ATRNL1: variants seen among roughly 807,000 people sequenced by gnomAD.
ATRNL1 encodes attractin like 1.
A neutral mutation model predicts 182.7 loss-of-function variants in ATRNL1; 95 were observed. The observed-to-expected ratio is 0.52, with a 90% CI of 0.44 to 0.62. The LOEUF (loss-of-function observed/expected upper bound fraction) is 0.62, where lower values mean the gene tolerates loss of function less well. Ranked by LOEUF, ATRNL1 falls within the 20% of genes least tolerant of loss-of-function variation. The pLI, the probability that ATRNL1 is intolerant of heterozygous loss-of-function variation, is 0.00. For synonymous variants in ATRNL1, 576 were observed against 568.3 expected (o/e 1.01, Z -0.19); for missense variants, 1,471 against 1,679.5 (o/e 0.88, Z 2.17).
chr10:115,563,901 A>T (rs1853915367), intron 26 of ATRNL1, among the ~76,000 whole-genome samples: 1 of 152,096 alleles, frequency 6.6e-6, no homozygotes, highest in Non-Finnish European at 1.5e-5. Context: ...ATATCTTAAA[A>T]TAATATAATT....
intron 26 of ATRNL1, among the ~76,000 whole-genome samples, chr10:115,633,405 A>T (rs1555027039): frequency 6.6e-6 from 1 of 152,146 alleles, no homozygotes; most frequent in Non-Finnish European, 1.5e-5. Context: ...ACAGTTTCTT[A>T]CTGTGTGTTT....
intron 8 of ATRNL1, among the ~76,000 whole-genome samples, chr10:115,203,146 A>C (rs577235594): frequency 4.1e-4 from 62 of 152,234 alleles, no homozygotes; most frequent in African/African-American, 1.5e-3. Flanking sequence ...CTACTTTGTT[A>C]TTACAACCAG....
At chr10:115,873,074 C>A (rs1248234250) in intron 28 of ATRNL1, among the ~76,000 whole-genome samples, 1 of 151,556 alleles carries the variant, frequency 6.6e-6, no homozygotes, top group Non-Finnish European at 1.5e-5. Context: ...GATAGCCGTG[C>A]GATAGCTGAG....
At chr10:115,234,576 C>T (rs1376245735) in intron 9 of ATRNL1, among the ~76,000 whole-genome samples, 6 of 149,328 alleles carry the variant, frequency 4.0e-5, no homozygotes, top group African/African-American at 7.4e-5. Context: ...TTGCTAGATT[C>T]GATTTTTTTC....
chr10:115,415,809 G>A (rs919266627), intron 20 of ATRNL1, among the ~76,000 whole-genome samples: 25 of 151,686 alleles, frequency 1.6e-4, no homozygotes, highest in African/African-American at 5.6e-4. Flanking sequence ...TTTATTATGA[G>A]GACTGTCTTA....
chr10:115,918,145 A>G (rs1486750420), intron 28 of ATRNL1, among the ~76,000 whole-genome samples: 1 of 956 alleles, frequency 1.0e-3, no homozygotes, highest in African/African-American at 4.3e-3. Context: ...TCTGTAGCCC[A>G]GGCTGGAGTG....
intron 28 of ATRNL1, among the ~76,000 whole-genome samples, chr10:115,930,891 G>A (rs549985749): frequency 2.0e-5 from 3 of 152,220 alleles, no homozygotes; most frequent in South Asian, 2.1e-4. Context: ...CTCTCAGTTA[G>A]CACTTGAACA....
chr10:115,503,672 C>A (rs1056969242), intron 24 of ATRNL1, among the ~76,000 whole-genome samples: 4 of 145,916 alleles, frequency 2.7e-5, no homozygotes, highest in African/African-American at 2.8e-5. Context: ...TTATAGACAA[C>A]TTTATTATGT....
In ATRNL1 at chr10:115,738,154, T is replaced by TTTTTTTTTTTTTTTTTTTTTTTTTTTTTC. The variant is rs71010046; in HGVS notation, c.3903+10801_3903+10802insTTTTTTTTTTTTTTTTTTTTTTTTTTCTT. ...TTTTTTTTTTTTTTTTTTTTTTTTT[T>TTTTTTTTTTTTTTTTTTTTTTTTTTTTTC]TTGAGATGGAGTCCTGCTCTGTCGC... is the stretch of plus-strand genomic sequence containing the variant. On this transcript the variant is annotated intron_variant, in intron 27 of 28. Coordinates refer to ENST00000355044, the MANE Select transcript of ATRNL1 (RefSeq NM_207303.4). Among the ~76,000 whole-genome samples the TTTTTTTTTTTTTTTTTTTTTTTTTTTTTC allele has an allele frequency of 2.0e-4, 13 of 63,914 alleles. 3 individuals are homozygous for TTTTTTTTTTTTTTTTTTTTTTTTTTTTTC. Among genetic ancestry groups the TTTTTTTTTTTTTTTTTTTTTTTTTTTTTC allele is most frequent in the Admixed American group, 1.4e-3 (5 of 3,696 alleles). The allele number at this position is 63,914 out of a possible 152,430, so 41.9% of individuals were successfully genotyped here. A position where few individuals can be genotyped will look rare whatever the true frequency, so the allele number is the denominator to read the frequency against.
intron 1 of ATRNL1, among the ~76,000 whole-genome samples, chr10:115,094,261 C>T (rs1488389886): frequency 6.6e-6 from 1 of 152,092 alleles, no homozygotes; most frequent in Non-Finnish European, 1.5e-5. Flanking sequence ...GCGCGGAGCC[C>T]TGACCAACGG....
Position 115,429,824 on chromosome 10 carries a change from T to G in ATRNL1, c.3322+3522T>G, listed in dbSNP as rs545839338. Among the ~76,000 whole-genome samples, 9 of 152,246 alleles carry G rather than the reference T, an allele frequency of 5.9e-5. No homozygotes were observed. The East Asian group carries it at 1.7e-3, about 29-fold the overall frequency. ...GGCTCACACCTGTAATCCCAGCACT[T>G]TGGGAGGCCACAAAGGGCGAATCAC... On this transcript the variant is annotated intron_variant, in intron 21 of 28. Coordinates refer to ENST00000355044, the MANE Select transcript of ATRNL1 (RefSeq NM_207303.4).
At position 115,467,204 on chromosome 10, in the gene ATRNL1, G is replaced by A. The variant is rs782032474; in HGVS notation, c.3448G>A (p.Ala1150Thr). Residue 1150 changes from alanine to threonine, a missense_variant, in exon 23 of 29, where the codon GCA becomes ACA. By Grantham distance (58) the Ala-to-Thr change is moderately conservative (BLOSUM62 0). This residue lies in a region of ATRNL1 where 437 missense variants were observed against 506.0 expected (regional missense o/e 0.86). Coordinates refer to ENST00000355044, the MANE Select transcript of ATRNL1 (RefSeq NM_207303.4). ...SNKNLDISIN[A>T]SNNFNLNITW... ...CAAAAATCTGGATATATCAATTAAT[G>A]CATCAAACAACTTTAATCTCAACAT... 1.9e-6 allele frequency: 3 copies of A among 1,604,100 alleles called. No homozygotes were observed. Among genetic ancestry groups the A allele is most frequent in the Admixed American group, 3.4e-5 (2 of 59,022 alleles).
intron 9 of ATRNL1, among the ~76,000 whole-genome samples, chr10:115,238,469 A>G (rs1850276044): frequency 6.6e-6 from 1 of 152,118 alleles, no homozygotes; most frequent in East Asian, 1.9e-4. Context: ...ATATTTTGTT[A>G]GGTTTCTACC....
chr10:115,573,130 A>G (rs1220674297), intron 26 of ATRNL1, among the ~76,000 whole-genome samples: 1 of 152,120 alleles, frequency 6.6e-6, no homozygotes, highest in Non-Finnish European at 1.5e-5. Flanking sequence ...GGCATCTTGG[A>G]AGAATTGGAT....
intron 27 of ATRNL1, among the ~76,000 whole-genome samples, chr10:115,841,836 G>A (rs1444712689): frequency 1.3e-5 from 2 of 151,988 alleles, no homozygotes; most frequent in African/African-American, 4.8e-5. Flanking sequence ...TGGAATCTTA[G>A]TATTTGCTGA....
At chr10:115,558,345 A>G (rs2133829608) in intron 26 of ATRNL1, among the ~76,000 whole-genome samples, 1 of 152,284 alleles carries the variant, frequency 6.6e-6, no homozygotes, top group East Asian at 1.9e-4. Flanking sequence ...CTGGGTTTTA[A>G]GTACCCAATT....
chr10:115,817,288 A>T (rs1005271164), intron 27 of ATRNL1, among the ~76,000 whole-genome samples: 6 of 152,036 alleles, frequency 3.9e-5, no homozygotes, highest in Non-Finnish European at 8.8e-5. Context: ...CTATTTAAAA[A>T]TTTTTCGGAA....
At chr10:115,863,060 G>C (rs1951351651) in intron 28 of ATRNL1, among the ~76,000 whole-genome samples, 1 of 152,074 alleles carries the variant, frequency 6.6e-6, no homozygotes, top group African/African-American at 2.4e-5. Flanking sequence ...AAACCAACAA[G>C]ACTGTTTACC....
intron 21 of ATRNL1, among the ~76,000 whole-genome samples, chr10:115,455,613 A>G (rs1847485703): frequency 6.6e-6 from 1 of 152,228 alleles, no homozygotes; most frequent in Non-Finnish European, 1.5e-5. Flanking sequence ...AGCAATTGCA[A>G]CAAAAGCCAA....
Sources: allele counts gnomAD v4.1 joint callset (sites outside exome capture counted in the v4.1 genomes callset), GRCh38; gene constraint gnomAD v4.1.1; regional missense constraint gnomAD v4.1.1; transcripts MANE v1.5; gene names NCBI Gene and HGNC (gene_info 2026-07-23, HGNC 2026-07-21).